TMEM245: variants seen among roughly 807,000 people sequenced by gnomAD.
TMEM245 encodes the protein protein CG-2.
A neutral mutation model predicts 101.2 loss-of-function variants in TMEM245; 69 were observed. The observed-to-expected ratio is 0.68, with a 90% confidence interval of 0.56 to 0.83. The LOEUF (loss-of-function observed/expected upper bound fraction) is 0.83. TMEM245 is among the 40% of genes least tolerant of loss of function. The probability of loss-of-function intolerance (pLI) is 0.00; values close to 1 mark genes in which losing one functional copy is unlikely to be tolerated. For synonymous variants in TMEM245, 537 were observed against 449.8 expected, an observed-to-expected ratio of 1.19 and a Z score of -2.45; for missense variants, 1,075 against 1,092.8, an observed-to-expected ratio of 0.98 and a Z score of 0.23.
intron 12 of TMEM245, among the ~76,000 whole-genome samples, chr9:109,051,062 G>A (rs564940583): frequency 1.2e-4 from 18 of 151,978 alleles, no homozygotes; most frequent in Middle Eastern, 6.8e-3. Flanking sequence ...AGGCTGAGGC[G>A]GGTGGATCAC....
chr9:109,115,798 G>A (rs57961176), intron 1 of TMEM245, among the ~76,000 whole-genome samples: 1,969 of 152,088 alleles, frequency 0.013, 32 homozygotes, highest in African/African-American at 0.045. Flanking sequence ...CCAAAGTGCT[G>A]GGATTACAGG....
chr9:109,100,088 A>ATAAGGTTTCTACTAAG (rs1830245025), intron 3 of TMEM245, among the ~76,000 whole-genome samples: 1 of 152,174 alleles, frequency 6.6e-6, no homozygotes, highest in African/African-American at 2.4e-5. Flanking sequence ...AGACTAAGCC[A>ATAAGGTTTCTACTAAG]TAAGGTTTCT....
chr9:109,085,523 A>T (rs1295027957), intron 7 of TMEM245, among the ~76,000 whole-genome samples: 1 of 152,250 alleles, frequency 6.6e-6, no homozygotes, highest in East Asian at 1.9e-4. Flanking sequence ...CTAGTTATTT[A>T]AAAAAAGACA....
At chr9:109,027,680 T>G (rs562866661) in intron 17 of TMEM245, among the ~76,000 whole-genome samples, 1 of 151,314 alleles carries the variant, frequency 6.6e-6, no homozygotes. Context: ...GTCTCACTCT[T>G]TTTTTTTTGA....
At chr9:109,076,546 GTTC>G (rs977532343) in intron 8 of TMEM245, among the ~76,000 whole-genome samples, 43 of 151,978 alleles carry the variant, frequency 2.8e-4, no homozygotes, top group African/African-American at 9.4e-4. Flanking sequence ...AAAAGTTAAA[GTTC>G]TTATTTTAAA....
At chr9:109,092,564 A>G (rs1285205766) in intron 4 of TMEM245, among the ~76,000 whole-genome samples, 2 of 152,240 alleles carry the variant, frequency 1.3e-5, no homozygotes, top group African/African-American at 4.8e-5. Flanking sequence ...TCCAAAACCA[A>G]AATATCATTT....
intron 12 of TMEM245, among the ~76,000 whole-genome samples, chr9:109,055,560 T>A (rs1030738601): frequency 6.6e-6 from 1 of 151,994 alleles, no homozygotes; most frequent in Non-Finnish European, 1.5e-5. Flanking sequence ...TAAAAAAGGA[T>A]GGTTCAGAAA....
At chr9:109,060,475 C>T (rs756306501) in intron 10 of TMEM245, 23 bp from the exon 11 acceptor site, 14 of 1,525,838 alleles carry the variant, frequency 9.2e-6, no homozygotes, top group South Asian at 3.4e-5. Flanking sequence ...ACAGATACGA[C>T]GTGGTACAAT....
chr9:109,078,797 G>A (rs1317603587), intron 8 of TMEM245, among the ~76,000 whole-genome samples: 1 of 152,148 alleles, frequency 6.6e-6, no homozygotes. Context: ...CACCAAACAT[G>A]GGAAAGTTTT....
chr9:109,090,814 T>G (rs149516565), intron 5 of TMEM245, 108 bp downstream of exon 5: 1 of 968,080 alleles, frequency 1.0e-6, no homozygotes, highest in East Asian at 2.6e-5. Context: ...AAGATTGTTT[T>G]ACTTTGCAAG....
intron 17 of TMEM245, among the ~76,000 whole-genome samples, chr9:109,028,641 G>A (rs1306024957): frequency 6.6e-6 from 1 of 151,812 alleles, no homozygotes; most frequent in Non-Finnish European, 1.5e-5. Context: ...AAAAAAAAAA[G>A]AGATTATGCT....
chr9:109,115,207 G>A (rs1830683691), intron 1 of TMEM245, among the ~76,000 whole-genome samples: 4 of 152,076 alleles, frequency 2.6e-5, no homozygotes, highest in South Asian at 2.1e-4. Context: ...AAAATTAGCC[G>A]GGCGTGGTGG....
intron 17 of TMEM245, among the ~76,000 whole-genome samples, chr9:109,028,507 A>G (rs372610576): frequency 2.0e-5 from 3 of 151,978 alleles, no homozygotes; most frequent in Admixed American, 6.6e-5. Flanking sequence ...TTTGAGCATC[A>G]TGTTCCCATT....
intron 10 of TMEM245, among the ~76,000 whole-genome samples, chr9:109,062,807 T>C (rs933915814): frequency 1.3e-5 from 2 of 151,874 alleles, no homozygotes; most frequent in African/African-American, 4.8e-5. Context: ...CACGTCTCTA[T>C]AAAAACAGAA....
At chr9:109,044,836 T>C (rs1262938790) in intron 14 of TMEM245, among the ~76,000 whole-genome samples, 2 of 149,340 alleles carry the variant, frequency 1.3e-5, no homozygotes, top group African/African-American at 5.0e-5. Context: ...CACAGCTCAC[T>C]GCAACCTCCA....
rs150994140 is a variant in TMEM245 at position 109,044,044 on chromosome 9, C to T, written c.2124-5927G>A. 2.1e-3 allele frequency among the ~76,000 whole-genome samples: 324 copies of T among 152,292 alleles called. 3 individuals are homozygous for T. Among genetic ancestry groups the T allele is most frequent in the African/African-American group, 7.2e-3 (299 of 41,552 alleles). On this transcript the variant is annotated intron_variant, in intron 14 of 17. Coordinates refer to ENST00000374586, the MANE Select transcript of TMEM245 (RefSeq NM_032012.4). ...TATATTTAATAATAACTCCTCTGCA[C>T]CAGAAGCTTGAATTGACTTCAAATG...
chr9:109,102,343 A>AAT lies in TMEM245; in HGVS notation c.799+4163_799+4164dup, dbSNP rs575247462. 2.0e-3 allele frequency among the ~76,000 whole-genome samples: 308 copies of AAT among 152,338 alleles called. 3 individuals are homozygous for AAT. The highest frequency in any genetic ancestry group is 6.8e-3 in the African/African-American group (283 of 41,586). Reference sequence around the variant, plus strand: ...TTGTTTCAGGAATTTTAAAATTCTAAATATATATTTACAAATAAAAATATG... The same window carrying AAT: ...TTGTTTCAGGAATTTTAAAATTCTAAATATATATATTTACAAATAAAAATATG... On this transcript the variant is annotated intron_variant, in intron 3 of 17. Coordinates refer to ENST00000374586, the MANE Select transcript of TMEM245 (RefSeq NM_032012.4).
At chr9:109,027,421 C>T (rs1186254107) in intron 17 of TMEM245, among the ~76,000 whole-genome samples, 1 of 152,150 alleles carries the variant, frequency 6.6e-6, no homozygotes, top group Non-Finnish European at 1.5e-5. Flanking sequence ...GGGCATCCAT[C>T]CCAACACTGG....
In TMEM245 at chr9:109,020,144, T is replaced by C. The variant is rs1298828487; in HGVS notation, c.*316A>G. The stretch of plus-strand genomic sequence containing the variant: ...AAAATAACTTTATAAATATATAATA[T>C]AGTAACATAGATAACCAAAGTGGAA... On this transcript the variant is annotated 3_prime_UTR_variant, in exon 18 of 18. Transcript: ENST00000374586. 2 of 259,246 alleles carry C rather than the reference T, an allele frequency of 7.7e-6. No individual in the cohort carries two copies. Among genetic ancestry groups the C allele is most frequent in the South Asian group, 5.4e-5 (1 of 18,524 alleles). The allele number at this position is 259,246 out of a possible 1,614,324, so 16.1% of individuals were successfully genotyped here.
Sources: gnomAD v4.1 joint callset for allele counts (sites outside exome capture counted in the v4.1 genomes callset) on GRCh38, gnomAD v4.1.1 for gene constraint, MANE v1.5 for transcripts, NCBI Gene and HGNC (gene_info 2026-07-23, HGNC 2026-07-21) for gene names.